CNTN5: variants seen among roughly 807,000 people sequenced by gnomAD.
CNTN5 encodes contactin-5.
Under a neutral mutation model 129.1 loss-of-function variants are expected in CNTN5, and 77 were observed. The observed-to-expected ratio is 0.60, with a 90% CI of 0.50 to 0.72. The LOEUF is 0.72. Ranked by LOEUF, CNTN5 falls within the 30% of genes least tolerant of loss-of-function variation. CNTN5 has a pLI of 0.00. For missense variants in CNTN5, 1,478 were observed against 1,328.8 expected (o/e 1.11, Z -1.75); for synonymous variants, 509 against 465.6 (o/e 1.09, Z -1.20).
intron 1 of CNTN5, among the ~76,000 whole-genome samples, chr11:99,160,063 T>G (rs575028800): frequency 6.6e-6 from 1 of 152,304 alleles, no homozygotes; most frequent in Non-Finnish European, 1.5e-5. Context: ...TTAAAAGAAT[T>G]TACACAATTA....
At chr11:100,098,627 T>A (rs1434696258) in intron 13 of CNTN5, among the ~76,000 whole-genome samples, 1 of 152,110 alleles carries the variant, frequency 6.6e-6, no homozygotes, top group Admixed American at 6.6e-5. Context: ...ATCTTTTAGA[T>A]CTATTTGTTG....
At chr11:99,568,882 A>C (rs745580057) in intron 3 of CNTN5, among the ~76,000 whole-genome samples, 1 of 152,244 alleles carries the variant, frequency 6.6e-6, no homozygotes, top group African/African-American at 2.4e-5. Flanking sequence ...AATATTTAAC[A>C]TAGACATCAA....
At chr11:99,166,390 ACT>A (rs1860867179) in intron 1 of CNTN5, among the ~76,000 whole-genome samples, 1 of 132,534 alleles carries the variant, frequency 7.5e-6, no homozygotes, top group African/African-American at 2.9e-5. Flanking sequence ...ACAGAGCAAG[ACT>A]CTGTCAAAAA....
intron 3 of CNTN5, among the ~76,000 whole-genome samples, chr11:99,587,920 G>A (rs908148975): frequency 2.0e-5 from 3 of 152,294 alleles, no homozygotes; most frequent in African/African-American, 4.8e-5. Flanking sequence ...TTTTCTTGGA[G>A]CTGATCTAGA....
At chr11:99,180,270 G>T (rs952480071) in intron 1 of CNTN5, among the ~76,000 whole-genome samples, 7 of 152,154 alleles carry the variant, frequency 4.6e-5, no homozygotes, top group African/African-American at 1.7e-4. Flanking sequence ...AAGGGAGAAG[G>T]GAAAAGATAT....
At chr11:99,478,646 G>A (rs975338628) in intron 2 of CNTN5, among the ~76,000 whole-genome samples, 7 of 151,684 alleles carry the variant, frequency 4.6e-5, no homozygotes, top group African/African-American at 1.7e-4. Context: ...TGGATATATG[G>A]ATTTTTTTTT....
At chr11:99,967,368 C>G (rs1351345348) in intron 8 of CNTN5, among the ~76,000 whole-genome samples, 1 of 152,088 alleles carries the variant, frequency 6.6e-6, no homozygotes, top group Non-Finnish European at 1.5e-5. Context: ...TATTATGTAT[C>G]AGGTATTTTG....
At chr11:99,355,714 C>A (rs1938598390) in intron 2 of CNTN5, among the ~76,000 whole-genome samples, 1 of 151,858 alleles carries the variant, frequency 6.6e-6, no homozygotes, top group Non-Finnish European at 1.5e-5. Context: ...GTACCTAAGT[C>A]TCCTATGTTA....
chr11:99,841,901 T>C (rs1255461762), intron 4 of CNTN5, among the ~76,000 whole-genome samples: 1 of 149,134 alleles, frequency 6.7e-6, no homozygotes, highest in East Asian at 2.0e-4. Flanking sequence ...TATATATTTT[T>C]TTTTTATGGA....
intron 18 of CNTN5, among the ~76,000 whole-genome samples, chr11:100,272,508 G>T (rs1055778775): frequency 2.6e-5 from 4 of 151,200 alleles, no homozygotes; most frequent in Non-Finnish European, 5.9e-5. Context: ...AGGAAGGAAG[G>T]AGAATGGAGG....
intron 1 of CNTN5, among the ~76,000 whole-genome samples, chr11:99,026,224 T>A (rs183407651): frequency 6.6e-6 from 1 of 151,746 alleles, no homozygotes; most frequent in East Asian, 1.9e-4. Flanking sequence ...CTGAAAACAC[T>A]GTGAAAAGTC....
chr11:99,061,723 G>T (rs1864887507), intron 1 of CNTN5, among the ~76,000 whole-genome samples: 1 of 152,074 alleles, frequency 6.6e-6, no homozygotes, highest in South Asian at 2.1e-4. Flanking sequence ...AGGTGCAGTG[G>T]CCCCACGGCT....
intron 2 of CNTN5, among the ~76,000 whole-genome samples, chr11:99,423,921 C>T (rs531887045): frequency 3.9e-5 from 6 of 152,156 alleles, no homozygotes; most frequent in East Asian, 1.9e-4. Context: ...ATTTAAAGGA[C>T]GTTTAGGTTT....
At chr11:99,955,849 C>A (rs547707293) in intron 7 of CNTN5, among the ~76,000 whole-genome samples, 72 of 152,180 alleles carry the variant, frequency 4.7e-4, no homozygotes, top group South Asian at 8.3e-4. Flanking sequence ...CGGGCGTTAG[C>A]CCCCGTGTGC....
At chr11:100,011,342 T>C (rs1390175035) in intron 9 of CNTN5, among the ~76,000 whole-genome samples, 1 of 151,972 alleles carries the variant, frequency 6.6e-6, no homozygotes, top group Non-Finnish European at 1.5e-5. Flanking sequence ...GCAAACAGGG[T>C]TACTCTGTAA....
chr11:100,112,126 G>A lies in CNTN5; in HGVS notation c.1580+37832G>A, dbSNP rs553583273. Among the ~76,000 whole-genome samples, 8 of 152,296 alleles carry A rather than the reference G, an allele frequency of 5.3e-5. No homozygotes were observed. The South Asian group carries it at 1.7e-3, about 32-fold the overall frequency. ...ACGTGCTTTAGCCAATGAAATGTGAGTGGAAGATGCCTGTGTAATTTCTGG... is the reference window on the plus strand; with the variant it reads ...ACGTGCTTTAGCCAATGAAATGTGAATGGAAGATGCCTGTGTAATTTCTGG... On this transcript the variant is annotated intron_variant, in intron 13 of 24. Transcript: ENST00000524871.
intron 1 of CNTN5, among the ~76,000 whole-genome samples, chr11:99,061,948 C>T (rs1259655019): frequency 2.0e-5 from 3 of 151,336 alleles, no homozygotes; most frequent in African/African-American, 7.3e-5. Context: ...GCTACGGTTG[C>T]ACTACCTCAC....
chr11:99,466,885 C>T (rs1310508494), intron 2 of CNTN5, among the ~76,000 whole-genome samples: 1 of 152,002 alleles, frequency 6.6e-6, no homozygotes, highest in Non-Finnish European at 1.5e-5. Flanking sequence ...ACATAATTGC[C>T]AGCACATTCT....
chr11:99,074,544 A>G (rs1005653933), intron 1 of CNTN5, among the ~76,000 whole-genome samples: 4 of 152,104 alleles, frequency 2.6e-5, no homozygotes, highest in Non-Finnish European at 4.4e-5. Flanking sequence ...GGGTCTCTCT[A>G]TGTTGCCCAG....
Sources: allele counts gnomAD v4.1 joint callset (sites outside exome capture counted in the v4.1 genomes callset), GRCh38; gene constraint gnomAD v4.1.1; transcripts MANE v1.5; gene names NCBI Gene and HGNC (gene_info 2026-07-23, HGNC 2026-07-21).